Variants in SELENOV observed in about 807,000 individuals in gnomAD.
SELENOV encodes the protein selenoprotein V.
Under a neutral mutation model 21.6 loss-of-function variants are expected in SELENOV, and 25 were observed. The ratio of observed to expected loss-of-function variants is 1.16; its 90% CI spans 0.84 to 1.62. The LOEUF is 1.62. Ranked by LOEUF, SELENOV falls within the 40% of genes most tolerant of loss-of-function variation. SELENOV has a pLI of 0.00. For synonymous variants in SELENOV, 227 were observed against 216.9 expected, an observed-to-expected ratio of 1.05 and a Z score of -0.41; for missense variants, 472 against 459.0, an observed-to-expected ratio of 1.03 and a Z score of -0.26.
chr19:39,518,549 T>G, intron 1 of SELENOV, 59 bp from the exon 2 acceptor site: 1 of 1,521,694 alleles, frequency 6.6e-7, no homozygotes. Flanking sequence ...GGGAAGATAC[T>G]GATGCGGTGT....
intron 1 of SELENOV, 165 bp downstream of exon 1, chr19:39,516,186 A>G: frequency 1.4e-6 from 1 of 712,836 alleles, no homozygotes. Flanking sequence ...CTTGTCTCTC[A>G]TTCTCTTTGG....
rs368231037 is a variant in SELENOV, at chr19:39,515,768, G to C, written c.556G>C (p.Gly186Arg). ...CATCCCGTCGGTCTCCAGCGAGGCC[G>C]GGCCCGCCCCGGGGCCCCTTCCCAC... The change falls in exon 1 of 6, where the codon GGG becomes CGG. Residue 186 changes from glycine to arginine, a missense_variant. By Grantham distance (125) the Gly-to-Arg change is moderately radical. Coordinates refer to ENST00000335426, the Ensembl canonical transcript of SELENOV. The surrounding 1 kb of genome is among the most constrained non-coding windows in gnomAD (Gnocchi z 5.1). 34 of 1,549,176 alleles carry C rather than the reference G, an allele frequency of 2.2e-5. No individual in the cohort carries two copies. In the African/African-American group the frequency reaches 4.4e-4, roughly 20 times the overall value.
intron 1 of SELENOV, chr19:39,518,359 G>T (rs1421043057): frequency 8.6e-6 from 5 of 582,220 alleles, no homozygotes; most frequent in Non-Finnish European, 1.2e-5. Flanking sequence ...GGCACAGGGT[G>T]AATGAATTGG....
intron 1 of SELENOV, among the ~76,000 whole-genome samples, chr19:39,517,895 T>A (rs762691318): frequency 3.8e-5 from 5 of 130,192 alleles, no homozygotes; most frequent in Non-Finnish European, 7.8e-5. Flanking sequence ...ACCCAGGAGG[T>A]GGAAGGTTGC....
intron 5 of SELENOV, among the ~76,000 whole-genome samples, chr19:39,519,504 A>ATAAT (rs1274525614): frequency 6.6e-6 from 1 of 151,794 alleles, no homozygotes; most frequent in African/African-American, 2.4e-5. Flanking sequence ...AAATAAATAA[A>ATAAT]TAAATAAATA....
At chr19:39,517,342 A>C (rs969858125) in intron 1 of SELENOV, among the ~76,000 whole-genome samples, 1 of 151,926 alleles carries the variant, frequency 6.6e-6, no homozygotes, top group Non-Finnish European at 1.5e-5. Flanking sequence ...TCCAGGTCCT[A>C]TTGGCATCAG....
chr19:39,516,098 A>T (rs2079695929), intron 1 of SELENOV, 77 bp downstream of exon 1: 2 of 1,330,732 alleles, frequency 1.5e-6, no homozygotes, highest in Admixed American at 4.1e-5. Context: ...GGGGACGTGG[A>T]GGTCAGGGTT....
In SELENOV at chr19:39,515,785, C is replaced by G. The variant is rs765449362; in HGVS notation, c.573C>G (p.Pro191=). 6.5e-7 allele frequency: 1 copy of G among 1,549,426 alleles called. No individual in the cohort carries two copies. Among genetic ancestry groups the G allele is most frequent in the East Asian group, 2.4e-5 (1 of 40,880 alleles). ...GCGAGGCCGGGCCCGCCCCGGGGCC[C>G]CTTCCCACGCGCACCCCGCTGGCCG... The change falls in exon 1 of 6, where the codon CCC becomes CCG. Residue 191 remains proline, a synonymous_variant. Coordinates refer to ENST00000335426, the Ensembl canonical transcript of SELENOV. The surrounding 1 kb of genome is among the most constrained non-coding windows in gnomAD (Gnocchi z 5.1).
chr19:39,516,862 A>G (rs1454433444), intron 1 of SELENOV, among the ~76,000 whole-genome samples: 1 of 143,834 alleles, frequency 7.0e-6, no homozygotes, highest in Non-Finnish European at 1.5e-5. Context: ...CGCCCGGCTA[A>G]TTTTGTATTT....
intron 1 of SELENOV, among the ~76,000 whole-genome samples, chr19:39,518,193 C>A (rs2050741160): frequency 6.6e-6 from 1 of 150,964 alleles, no homozygotes; most frequent in Non-Finnish European, 1.5e-5. Context: ...ATGGCGTGAA[C>A]CCGGGAGGCG....
At chr19:39,518,343 G>T in intron 1 of SELENOV, 1 of 531,604 alleles carries the variant, frequency 1.9e-6, no homozygotes, top group African/African-American at 1.9e-5. Flanking sequence ...AGGGGCTTCT[G>T]TGGCTGGCAC....
chr19:39,515,618 G>A lies in SELENOV; in HGVS notation c.406G>A (p.Ala136Thr). 1.9e-6 allele frequency: 3 copies of A among 1,548,376 alleles called. No individual in the cohort carries two copies. The highest frequency in any genetic ancestry group is 2.6e-6 in the Non-Finnish European group (3 of 1,146,854). The stretch of plus-strand genomic sequence containing the variant: ...AGCCCAGCTCCTGGCAGGGATTCGG[G>A]CCGCGCTCCCCGTCTTGGACTCCTA... Residue 136 changes from alanine (A) to threonine (T), a missense_variant, in exon 1 of 6, where the codon GCC becomes ACC. Physicochemically the swap from Ala to Thr is moderately conservative, Grantham distance 58. Transcript: ENST00000335426. This position sits in a 1 kb window ranked among gnomAD's most constrained non-coding sequence, Gnocchi z 5.1.
intron 1 of SELENOV, among the ~76,000 whole-genome samples, chr19:39,516,515 ACT>A (rs567543593): frequency 2.1e-5 from 3 of 143,268 alleles, no homozygotes; most frequent in Non-Finnish European, 4.6e-5. Flanking sequence ...TCCCCACCTC[ACT>A]CTCTCTCTCT....
chr19:39,518,338 C>T (rs2079710241), intron 1 of SELENOV: 2 of 517,964 alleles, frequency 3.9e-6, no homozygotes. Context: ...GAGCTAGGGG[C>T]TTCTGTGGCT....
chr19:39,517,991 A>AAAAAAAAAAAAAAAAAAAAAAAAAAG (rs374863818), intron 1 of SELENOV, among the ~76,000 whole-genome samples: 3 of 92,090 alleles, frequency 3.3e-5, no homozygotes, highest in African/African-American at 7.9e-5. Flanking sequence ...AAAAAAAAAA[A>AAAAAAAAAAAAAAAAAAAAAAAAAAG]GCCCAGCGCG....
chr19:39,519,042 C>A (rs2079714888), intron 4 of SELENOV, 29 bp from the exon 5 acceptor site: 1 of 1,613,040 alleles, frequency 6.2e-7, no homozygotes, highest in Non-Finnish European at 8.5e-7. Context: ...GGGTGGGAGA[C>A]CTGTGTGCTT....
Position 39,515,883 on chromosome 19 carries a change from C to A in SELENOV, c.671C>A (p.Pro224His). The stretch of plus-strand genomic sequence containing the variant: ...TCGGCCATCGGGCTGGCGGATCCCC[C>A]CATTCCCAGTCCTGTCCCCTCGCCC... The change falls in exon 1 of 6, where the codon CCC (proline) becomes CAC (histidine). Residue 224 changes from proline (P) to histidine (H), a missense_variant. By Grantham distance (77) the Pro-to-His change is moderately conservative. Coordinates refer to ENST00000335426, the Ensembl canonical transcript of SELENOV. This position sits in a 1 kb window ranked among gnomAD's most constrained non-coding sequence, Gnocchi z 5.1. 6.4e-7 allele frequency: 1 copy of A among 1,566,412 alleles called. No individual in the cohort carries two copies.
At chr19:39,518,143 C>G (rs967486528) in intron 1 of SELENOV, among the ~76,000 whole-genome samples, 2 of 150,902 alleles carry the variant, frequency 1.3e-5, no homozygotes, top group African/African-American at 4.9e-5. Context: ...TGGTGGTGGG[C>G]GCCTATAGTC....
intron 1 of SELENOV, 188 bp from the exon 2 acceptor site, chr19:39,518,415 CTGTGG>C: frequency 1.6e-6 from 1 of 628,986 alleles, no homozygotes; most frequent in Non-Finnish European, 2.9e-6. Context: ...AAGGCAGATC[CTGTGG>C]TGGCTTGCAG....
Sources: allele counts gnomAD v4.1 joint callset (sites outside exome capture counted in the v4.1 genomes callset), GRCh38; gene constraint gnomAD v4.1.1; non-coding constraint Gnocchi (gnomAD v3.1); transcripts MANE v1.5; gene names NCBI Gene and HGNC (gene_info 2026-07-23, HGNC 2026-07-21).